The following SIRT4 variants were observed in gnomAD, a reference collection of about 807,000 sequenced individuals.
SIRT4 encodes the protein sirtuin 4.
SIRT4 carries 23 observed loss-of-function variants against 26.1 expected under a neutral mutation model. The ratio of observed to expected loss-of-function variants is 0.88; its 90% CI spans 0.63 to 1.25. The LOEUF (loss-of-function observed/expected upper bound fraction) is 1.25. Among genes scored for constraint, SIRT4 ranks in the 50% most tolerant of loss-of-function variants. The probability of loss-of-function intolerance (pLI) is 0.00; values close to 1 mark genes in which losing one functional copy is unlikely to be tolerated. For missense variants in SIRT4, 361 were observed against 405.4 expected (o/e 0.89, Z 0.94); for synonymous variants, 155 against 158.4 (o/e 0.98, Z 0.16).
Position 120,303,696 on chromosome 12 carries a change from A to G in SIRT4, c.135A>G (p.Lys45=). 1 of 1,614,118 alleles carries G rather than the reference A, an allele frequency of 6.2e-7. No individual in the cohort carries two copies. Among genetic ancestry groups the G allele is most frequent in the Non-Finnish European group, 8.5e-7 (1 of 1,180,016 alleles). ...ASPPLDPEKV[K]ELQRFITLSK... ...CTCCTCTGGACCCTGAGAAGGTCAA[A>G]GAGTTACAGCGCTTCATCACCCTTT... Residue 45 remains lysine (K), a synonymous_variant, in exon 2 of 4, where the codon AAA becomes AAG. Transcript: ENST00000202967.
rs201598885 is a variant in SIRT4 at position 120,303,544 on chromosome 12, G to A, written c.-1-17G>A. ...AAAACCACCCCAGTTTCTCACATGA[G>A]GCTTCTTTTTCTCTAGAATGAAGAT... On this transcript the variant is annotated splice_polypyrimidine_tract_variant and intron_variant, in intron 1 of 3. Coordinates refer to ENST00000202967, the MANE Select transcript of SIRT4 (RefSeq NM_012240.3). The A allele has an allele frequency of 5.5e-5, 86 of 1,562,514 alleles. No individual in the cohort carries two copies. In the African/African-American group the frequency reaches 8.7e-4, roughly 16 times the overall value.
chr12:120,302,685 T>C (rs924283196), intron 1 of SIRT4, among the ~76,000 whole-genome samples: 2 of 152,080 alleles, frequency 1.3e-5, no homozygotes, highest in African/African-American at 2.4e-5. Flanking sequence ...ATGCATTGCA[T>C]TGTGTCAAAT....
At chr12:120,300,958 T>C (rs1298128972), upstream of SIRT4, among the ~76,000 whole-genome samples, 1 of 152,074 alleles carries the variant, frequency 6.6e-6, no homozygotes, top group African/African-American at 2.4e-5. Flanking sequence ...TTGATTAACT[T>C]AATAAAAAAA....
At chr12:120,311,394 A>G (rs2136842790) in intron 2 of SIRT4, among the ~76,000 whole-genome samples, 1 of 151,328 alleles carries the variant, frequency 6.6e-6, no homozygotes, top group Admixed American at 6.6e-5. Flanking sequence ...AAAAACAGAC[A>G]CAAAGTGCTC....
In SIRT4 at chr12:120,303,619, C is replaced by A. The variant is rs765814554; in HGVS notation, c.58C>A (p.Pro20Thr). Reference sequence around the variant, plus strand: ...AGCAAAAGGCCGTTGGATCGCAAACCCCAGCCAGCCGTGCTCGAAAGCCTC... The same window carrying A: ...AGCAAAAGGCCGTTGGATCGCAAACACCAGCCAGCCGTGCTCGAAAGCCTC... ...RSAKGRWIANPSQPCSKASIG... is the reference protein window; with the variant it reads ...RSAKGRWIANTSQPCSKASIG... Residue 20 changes from proline (P) to threonine (T), a missense_variant, in exon 2 of 4, where the codon CCC becomes ACC. Pro to Thr is a conservative substitution (Grantham distance 38). Transcript: ENST00000202967. 3.7e-6 allele frequency: 6 copies of A among 1,613,912 alleles called. No individual in the cohort carries two copies. In the Admixed American group the frequency reaches 8.3e-5, roughly 22 times the overall value.
chr12:120,299,549 CA>C (rs35920345), upstream of SIRT4, among the ~76,000 whole-genome samples: 99,944 of 130,790 alleles, frequency 0.76, 37,458 homozygotes, highest in East Asian at 0.96. Flanking sequence ...TAGACTCTCT[CA>C]AAAAAAAAAA....
chr12:120,292,166 C>G, the SIRT4 span, among the ~76,000 whole-genome samples: 1 of 152,186 alleles, frequency 6.6e-6, no homozygotes, highest in African/African-American at 2.4e-5. Context: ...TCGGTTGAGA[C>G]TTGAATTTTG....
chr12:120,306,247 G>GCA, intron 2 of SIRT4, among the ~76,000 whole-genome samples: 1 of 151,144 alleles, frequency 6.6e-6, no homozygotes, highest in South Asian at 2.1e-4. Context: ...AGGCTGAGTT[G>GCA]GGCGGATCAC....
At chr12:120,293,073 T>G in the SIRT4 span, 14 of 96,910 alleles carry the variant, frequency 1.4e-4, no homozygotes, top group South Asian at 4.9e-4. Flanking sequence ...AAAGCCTCTG[T>G]TGTTCAACTG....
chr12:120,312,699 C>T lies in SIRT4; in HGVS notation c.741C>T (p.His247=). ...TVNPDKVDFV[H]KRVKEADSLL... is the part of the protein sequence containing the mutation. ...ACCCTGACAAGGTTGATTTTGTGCACAAGCGTGTAAAAGAAGCCGACTCCC... is the reference window on the plus strand; with the variant it reads ...ACCCTGACAAGGTTGATTTTGTGCATAAGCGTGTAAAAGAAGCCGACTCCC... Residue 247 remains histidine (H), a synonymous_variant, in exon 3 of 4, where the codon CAC becomes CAT. Transcript: ENST00000202967. The T allele has an allele frequency of 6.2e-7, 1 of 1,614,104 alleles. No individual in the cohort carries two copies. The highest frequency in any genetic ancestry group is 8.5e-7 in the Non-Finnish European group (1 of 1,180,026).
At chr12:120,306,028 G>A (rs12425285) in intron 2 of SIRT4, among the ~76,000 whole-genome samples, 8,100 of 147,558 alleles carry the variant, frequency 0.055, 366 homozygotes, top group Admixed American at 0.14. Context: ...AAAAAAAAAA[G>A]AAAGAAAGAA....
intron 2 of SIRT4, among the ~76,000 whole-genome samples, chr12:120,308,438 G>A (rs1273904714): frequency 6.6e-6 from 1 of 152,228 alleles, no homozygotes; most frequent in African/African-American, 2.4e-5. Context: ...CTCCCAAAGC[G>A]CTGGGATTAC....
At chr12:120,296,295 G>A in the SIRT4 span, among the ~76,000 whole-genome samples, 1 of 150,922 alleles carries the variant, frequency 6.6e-6, no homozygotes, top group Admixed American at 6.6e-5. Flanking sequence ...TCGGCTCACT[G>A]CGAGCTCCGC....
chr12:120,311,216 G>A (rs1236969021), intron 2 of SIRT4, among the ~76,000 whole-genome samples: 5 of 150,658 alleles, frequency 3.3e-5, no homozygotes, highest in South Asian at 2.1e-4. Flanking sequence ...TTAGCCGGGC[G>A]TGGTGGTGCA....
chr12:120,306,496 C>A (rs915207514), intron 2 of SIRT4, among the ~76,000 whole-genome samples: 3 of 147,150 alleles, frequency 2.0e-5, no homozygotes, highest in African/African-American at 7.6e-5. Context: ...AAAAAACAAA[C>A]AAAAAAACAG....
upstream of SIRT4, among the ~76,000 whole-genome samples, chr12:120,300,348 A>G (rs1420864629): frequency 6.6e-6 from 1 of 151,974 alleles, no homozygotes; most frequent in African/African-American, 2.4e-5. Context: ...TCATTTTGCC[A>G]ATATTACCTC....
chr12:120,297,937 G>A (rs1023233872), upstream of SIRT4, among the ~76,000 whole-genome samples: 45 of 151,960 alleles, frequency 3.0e-4, no homozygotes, highest in African/African-American at 1.1e-3. Flanking sequence ...CTAGCTTCTG[G>A]TGCTTTCTTT....
the SIRT4 span, chr12:120,293,251 C>T: frequency 6.6e-6 from 1 of 152,182 alleles, no homozygotes; most frequent in African/African-American, 2.4e-5. Context: ...TTGTTACGCC[C>T]CCTGCTCATC....
chr12:120,303,623 G>C lies in SIRT4; in HGVS notation c.62G>C (p.Ser21Thr), dbSNP rs778125945. ...SAKGRWIANP[S>T]QPCSKASIGL... The stretch of plus-strand genomic sequence containing the variant: ...AAAGGCCGTTGGATCGCAAACCCCA[G>C]CCAGCCGTGCTCGAAAGCCTCCATT... The change falls in exon 2 of 4, where the codon AGC (serine) becomes ACC (threonine). Residue 21 changes from serine (S) to threonine (T), a missense_variant. Physicochemically the swap from Ser to Thr is moderately conservative, Grantham distance 58 (BLOSUM62 1). Transcript: ENST00000202967. 4.3e-6 allele frequency: 7 copies of C among 1,614,044 alleles called. No homozygotes were observed. The highest frequency in any genetic ancestry group is 5.1e-6 in the Non-Finnish European group (6 of 1,180,012).
Sources: allele counts gnomAD v4.1 joint callset (sites outside exome capture counted in the v4.1 genomes callset), GRCh38; gene constraint gnomAD v4.1.1; transcripts MANE v1.5; gene names NCBI Gene and HGNC (gene_info 2026-07-23, HGNC 2026-07-21).